LSAMP: variants seen among roughly 807,000 people sequenced by gnomAD.
The protein encoded by LSAMP is limbic system-associated membrane protein.
LSAMP carries 7 observed loss-of-function variants against 38.6 expected under a neutral mutation model. The ratio of observed to expected loss-of-function variants is 0.18; its 90% CI spans 0.10 to 0.34. LSAMP has a LOEUF of 0.34. Ranked by LOEUF, LSAMP falls within the 10% of genes least tolerant of loss-of-function variation. The pLI, the probability that LSAMP is intolerant of heterozygous loss-of-function variation, is 1.00. For synonymous variants in LSAMP, 154 were observed against 166.8 expected (o/e 0.92, Z 0.59); for missense variants, 313 against 420.0 (o/e 0.75, Z 2.23).
chr3:116,181,067 T>G (rs926184310), intron 1 of LSAMP, among the ~76,000 whole-genome samples: 5 of 152,040 alleles, frequency 3.3e-5, no homozygotes, highest in Non-Finnish European at 7.4e-5. Flanking sequence ...TATGTAGGAA[T>G]TGTGCTTGGC....
chr3:115,974,578 C>A (rs1026006276), intron 3 of LSAMP, among the ~76,000 whole-genome samples: 4 of 151,978 alleles, frequency 2.6e-5, no homozygotes, highest in African/African-American at 9.7e-5. Context: ...GTAAGGGCAA[C>A]AATGAGACAA....
intron 1 of LSAMP, among the ~76,000 whole-genome samples, chr3:116,420,011 A>T (rs563508159): frequency 6.6e-6 from 1 of 151,984 alleles, no homozygotes; most frequent in Admixed American, 6.6e-5. Flanking sequence ...CAGATATATC[A>T]TTTCCTTCCT....
intron 1 of LSAMP, among the ~76,000 whole-genome samples, chr3:116,377,193 C>A (rs2048504733): frequency 6.6e-6 from 1 of 151,926 alleles, no homozygotes; most frequent in East Asian, 1.9e-4. Flanking sequence ...TCAAGCCCAG[C>A]ATGCATTTGC....
intron 1 of LSAMP, among the ~76,000 whole-genome samples, chr3:116,272,858 G>T (rs2046992700): frequency 6.6e-6 from 1 of 152,006 alleles, no homozygotes; most frequent in South Asian, 2.1e-4. Flanking sequence ...AAATGTCTTG[G>T]CAATAGTAAA....
chr3:116,236,370 A>C (rs1012407671), intron 1 of LSAMP, among the ~76,000 whole-genome samples: 2 of 152,152 alleles, frequency 1.3e-5, no homozygotes, highest in African/African-American at 4.8e-5. Flanking sequence ...GAGAGGTTCA[A>C]CTATAAGGTT....
At chr3:116,268,695 TTTTC>T (rs10681419) in intron 1 of LSAMP, among the ~76,000 whole-genome samples, 96,702 of 151,570 alleles carry the variant, frequency 0.64, 35,149 homozygotes, top group South Asian at 0.81. Flanking sequence ...TTTTTTCTAT[TTTTC>T]TTTCTTTCTT....
In LSAMP at chr3:115,982,586, C is replaced by T. The variant is rs180758863; in HGVS notation, c.514+36929G>A. On this transcript the variant is annotated intron_variant, in intron 3 of 6. Transcript: ENST00000490035. ...ATTTCCCATTTTCTACACTCTGTGA[C>T]TAGTTTCTCAGGTTTTTAAAAACCT... Among the ~76,000 whole-genome samples the T allele has an allele frequency of 3.8e-3, 577 of 152,260 alleles. 3 individuals carry two copies. The highest frequency in any genetic ancestry group is 0.013 in the African/African-American group (543 of 41,548).
rs934648709 is a variant in LSAMP at position 115,807,362 on chromosome 3, C to T, written c.*2955G>A. On this transcript the variant is annotated 3_prime_UTR_variant, in exon 7 of 7. Coordinates refer to ENST00000490035, the MANE Select transcript of LSAMP (RefSeq NM_002338.5). The stretch of plus-strand genomic sequence containing the variant: ...AAGCAAATTTTTAAAATTTCAAGAT[C>T]CTGCTAGAGACACAGGCAAACACCA... 27 of 152,050 alleles carry T rather than the reference C, an allele frequency of 1.8e-4. No homozygotes were observed. Among genetic ancestry groups the T allele is most frequent in the African/African-American group, 6.3e-4 (26 of 41,384 alleles). The allele number at this position is 152,050 out of a possible 1,614,324, so 9.4% of individuals were successfully genotyped here.
chr3:116,224,192 A>G (rs139716760), intron 1 of LSAMP, among the ~76,000 whole-genome samples: 1 of 152,316 alleles, frequency 6.6e-6, no homozygotes, highest in Admixed American at 6.5e-5. Flanking sequence ...TCAAGGAACA[A>G]CTATTCATGT....
At chr3:116,171,070 C>T (rs1710186462) in intron 1 of LSAMP, among the ~76,000 whole-genome samples, 1 of 152,110 alleles carries the variant, frequency 6.6e-6, no homozygotes, top group East Asian at 1.9e-4. Flanking sequence ...CATTGTGCAT[C>T]AGAACTATTT....
intron 3 of LSAMP, among the ~76,000 whole-genome samples, chr3:115,876,704 C>T (rs910948107): frequency 6.6e-6 from 1 of 151,988 alleles, no homozygotes; most frequent in African/African-American, 2.4e-5. Flanking sequence ...TTACAACCAC[C>T]CCTCAGCAGG....
At chr3:116,342,421 C>T (rs2107754721) in intron 1 of LSAMP, among the ~76,000 whole-genome samples, 1 of 152,036 alleles carries the variant, frequency 6.6e-6, no homozygotes, top group African/African-American at 2.4e-5. Context: ...GGGATCTGAA[C>T]CAATTTATAG....
At position 116,395,498 on chromosome 3, in the gene LSAMP, G is replaced by A. The variant is rs576454359; in HGVS notation, c.155+49379C>T. 7.2e-5 allele frequency among the ~76,000 whole-genome samples: 11 copies of A among 152,256 alleles called. No individual in the cohort carries two copies. In the South Asian group the frequency reaches 8.3e-4, roughly 11 times the overall value. ...ATGCAAATAAAACGAAATGAAGTCC[G>A]GCTGTCTGGGTGCAGATAGAAATTA... On this transcript the variant is annotated intron_variant, in intron 1 of 6. Coordinates refer to ENST00000490035, the MANE Select transcript of LSAMP (RefSeq NM_002338.5).
chr3:115,866,676 C>T (rs970050844), intron 3 of LSAMP, among the ~76,000 whole-genome samples: 1 of 152,082 alleles, frequency 6.6e-6, no homozygotes, highest in African/African-American at 2.4e-5. Flanking sequence ...TCTTACCCCA[C>T]ACTCAAGTCT....
At chr3:116,418,588 C>G (rs1196859113) in intron 1 of LSAMP, among the ~76,000 whole-genome samples, 1 of 152,048 alleles carries the variant, frequency 6.6e-6, no homozygotes, top group Non-Finnish European at 1.5e-5. Context: ...TGGATGATCC[C>G]CTGCTGCAAG....
In LSAMP at chr3:116,198,715, G is replaced by A. The variant is rs534319863; in HGVS notation, c.156-112159C>T. Among the ~76,000 whole-genome samples, 5 of 150,136 alleles carry A rather than the reference G, an allele frequency of 3.3e-5. No homozygotes were observed. The South Asian group carries it at 1.1e-3, about 32-fold the overall frequency. On this transcript the variant is annotated intron_variant, in intron 1 of 6. Coordinates refer to ENST00000490035, the MANE Select transcript of LSAMP (RefSeq NM_002338.5). ...GAACTCGGGAGGCGCAGCTTATAGTGAGCCTGGATGGCGCCACTGCACTTC... is the reference window on the plus strand; with the variant it reads ...GAACTCGGGAGGCGCAGCTTATAGTAAGCCTGGATGGCGCCACTGCACTTC...
chr3:116,213,358 G>A (rs2046184778), intron 1 of LSAMP, among the ~76,000 whole-genome samples: 1 of 152,130 alleles, frequency 6.6e-6, no homozygotes, highest in African/African-American at 2.4e-5. Context: ...ATAAAGAGGA[G>A]TTCCCCTGCA....
At chr3:116,239,327 T>G (rs2107636360) in intron 1 of LSAMP, among the ~76,000 whole-genome samples, 1 of 152,292 alleles carries the variant, frequency 6.6e-6, no homozygotes, top group African/African-American at 2.4e-5. Flanking sequence ...CTAAAGTGGC[T>G]TCCTGACTCA....
chr3:116,010,597 T>C (rs970634444), intron 3 of LSAMP, among the ~76,000 whole-genome samples: 2 of 152,148 alleles, frequency 1.3e-5, no homozygotes. Flanking sequence ...GCTACAAGAA[T>C]GTTGAGATTT....
Sources: gnomAD v4.1 joint callset for allele counts (sites outside exome capture counted in the v4.1 genomes callset) on GRCh38, gnomAD v4.1.1 for gene constraint, MANE v1.5 for transcripts, NCBI Gene and HGNC (gene_info 2026-07-23, HGNC 2026-07-21) for gene names.